Variants in DPP3 observed in about 807,000 individuals in gnomAD.
The protein encoded by DPP3 is DPP III.
Under a neutral mutation model 89.8 loss-of-function variants are expected in DPP3, and 64 were observed. The ratio of observed to expected loss-of-function variants is 0.71; its 90% confidence interval spans 0.58 to 0.88. The LOEUF (loss-of-function observed/expected upper bound fraction) is 0.88. Ranked by LOEUF, DPP3 falls within the 40% of genes least tolerant of loss-of-function variation. The pLI, the probability that DPP3 is intolerant of heterozygous loss-of-function variation, is 0.00. For missense variants in DPP3, 835 were observed against 972.5 expected (o/e 0.86, Z 1.88); for synonymous variants, 377 against 404.3 (o/e 0.93, Z 0.81).
chr11:66,482,574 C>A, intron 2 of DPP3, 104 bp downstream of exon 2: 1 of 1,476,388 alleles, frequency 6.8e-7, no homozygotes, highest in Non-Finnish European at 9.1e-7. Context: ...AGGATTAGAC[C>A]AAAGGTTACA....
chr11:66,508,950 C>T (rs1294933604), intron 17 of DPP3, 129 bp from the exon 18 acceptor site: 14 of 1,179,750 alleles, frequency 1.2e-5, no homozygotes, highest in Non-Finnish European at 1.7e-5. Context: ...AAACGTAGAG[C>T]ACAGGTTTTT....
intron 16 of DPP3, among the ~76,000 whole-genome samples, chr11:66,500,076 G>A (rs567811639): frequency 3.3e-5 from 5 of 152,206 alleles, no homozygotes; most frequent in African/African-American, 1.2e-4. Flanking sequence ...CTTTTCAGCC[G>A]AGCACAGTCG....
At chr11:66,493,229 A>T in intron 11 of DPP3, 50 bp downstream of exon 11, 1 of 1,497,856 alleles carries the variant, frequency 6.7e-7, no homozygotes, top group Non-Finnish European at 9.2e-7. Flanking sequence ...CTTCCTCAGC[A>T]GACTCAGGAA....
intron 15 of DPP3, among the ~76,000 whole-genome samples, chr11:66,496,105 C>T (rs573970510): frequency 1.3e-5 from 2 of 152,308 alleles, no homozygotes; most frequent in East Asian, 1.9e-4. Context: ...ATGAGGAAGT[C>T]GAGGCACAAG....
chr11:66,491,878 C>G, intron 9 of DPP3, 122 bp downstream of exon 9: 1 of 1,100,810 alleles, frequency 9.1e-7, no homozygotes, highest in African/African-American at 1.5e-5. Flanking sequence ...GTAAGAACAG[C>G]CATGGTAAAT....
chr11:66,495,101 G>T (rs368538037), intron 12 of DPP3, 105 bp from the exon 13 acceptor site: 2 of 1,545,256 alleles, frequency 1.3e-6, no homozygotes, highest in Non-Finnish European at 8.9e-7. Context: ...CCGCTCCTGC[G>T]CTCCCGCTTG....
rs1855280774 is a variant in DPP3, at chr11:66,488,006, A to G, written c.666A>G (p.Ser222=). The change falls in exon 6 of 18, where the codon TCA becomes TCG. Residue 222 remains serine, a splice_region_variant and synonymous_variant. Transcript: ENST00000531863. The part of the protein sequence containing the change: ...YEVRLASVLG[S]EPSLDSEVTS... ...TGCGGCTGGCTTCTGTGCTTGGCTCAGGTGAGCTTAGCCCCAGGCTTCCCT... is the reference window on the plus strand; with the variant it reads ...TGCGGCTGGCTTCTGTGCTTGGCTCGGGTGAGCTTAGCCCCAGGCTTCCCT... 1 of 1,613,778 alleles carries G rather than the reference A, an allele frequency of 6.2e-7. No individual in the cohort carries two copies. The highest frequency in any genetic ancestry group is 8.5e-7 in the Non-Finnish European group (1 of 1,179,810).
Position 66,482,425 on chromosome 11 carries a change from G to T in DPP3, c.225G>T (p.Leu75=), listed in dbSNP as rs1855113783. The T allele has an allele frequency of 5.0e-6, 8 of 1,609,004 alleles. No individual in the cohort carries two copies. The highest frequency in any genetic ancestry group is 1.3e-5 in the African/African-American group (1 of 75,066). The change falls in exon 2 of 18, where the codon CTG becomes CTT. Residue 75 remains leucine (L), a synonymous_variant. Transcript: ENST00000531863. The stretch of plus-strand genomic sequence containing the variant: ...TCCGCGCCCAGGACCCCGACCAGCT[G>T]CGCCAACATGCCCTGGCTGAAGGCC... ...RLFRAQDPDQ[L]RQHALAEGLT... is the part of the protein sequence containing the mutation.
In DPP3 at chr11:66,496,335, C is replaced by G. The variant is rs1048617884; in HGVS notation, c.1698+585C>G. ...GATCTCGGCTCACTGCAACCTCCGC[C>G]TCCCGGGTTCAAGCAATTCTGCCTC... On this transcript the variant is annotated intron_variant, in intron 15 of 17. Transcript: ENST00000531863. Among the ~76,000 whole-genome samples the G allele has an allele frequency of 4.6e-5, 7 of 152,194 alleles. 1 individual carries two copies. The highest frequency in any genetic ancestry group is 4.1e-4 in the South Asian group (2 of 4,832).
At chr11:66,487,827 C>A in intron 5 of DPP3, 87 bp from the exon 6 acceptor site, 1 of 1,251,298 alleles carries the variant, frequency 8.0e-7, no homozygotes, top group South Asian at 1.4e-5. Context: ...TCCATGCCTT[C>A]TCCCCTAGGG....
intron 16 of DPP3, among the ~76,000 whole-genome samples, chr11:66,500,921 G>T (rs1247843138): frequency 1.3e-5 from 2 of 152,196 alleles, no homozygotes; most frequent in African/African-American, 4.8e-5. Context: ...GGGCATGGTG[G>T]CTCACACCTG....
Position 66,495,585 on chromosome 11 carries a change from A to G in DPP3, c.1578-45A>G, listed in dbSNP as rs200159776. On this transcript the variant is annotated intron_variant, in intron 14 of 17. Coordinates refer to ENST00000531863, the MANE Select transcript of DPP3 (RefSeq NM_130443.4). ...TGGTAGTGGCCAGTGGGATGGGGAC[A>G]GGGCAGCCTCTGACCATCCTGCCAC... The G allele has an allele frequency of 7.0e-5, 113 of 1,613,818 alleles. 1 individual carries two copies. The South Asian group carries it at 8.1e-4, about 12-fold the overall frequency.
chr11:66,498,821 TG>T (rs1205941042), intron 16 of DPP3, among the ~76,000 whole-genome samples: 1 of 152,012 alleles, frequency 6.6e-6, no homozygotes, highest in African/African-American at 2.4e-5. Context: ...AAGACCAGCC[TG>T]GGCAACATAG....
At position 66,482,194 on chromosome 11, in the gene DPP3, AG is replaced by A; in HGVS notation, c.-4del. On this transcript the variant is annotated splice_region_variant and 5_prime_UTR_variant, in exon 2 of 18. Coordinates refer to ENST00000531863, the MANE Select transcript of DPP3 (RefSeq NM_130443.4). ...TGTGATGACAGTGATGGTTCTCAGC[AG>A]GGCCCATGGCGGACACCCAGTACAT... The A allele has an allele frequency of 6.2e-7, 1 of 1,613,858 alleles. No individual in the cohort carries two copies. The highest frequency in any genetic ancestry group is 8.5e-7 in the Non-Finnish European group (1 of 1,179,800).
chr11:66,483,649 T>G (rs1413773248), intron 2 of DPP3, among the ~76,000 whole-genome samples: 1 of 152,212 alleles, frequency 6.6e-6, no homozygotes, highest in Non-Finnish European at 1.5e-5. Context: ...TGCACACATG[T>G]GAGGAGGATC....
At chr11:66,508,842 G>C (rs1023004697) in intron 17 of DPP3, among the ~76,000 whole-genome samples, 1 of 152,102 alleles carries the variant, frequency 6.6e-6, no homozygotes, top group Non-Finnish European at 1.5e-5. Flanking sequence ...TTATTTGATT[G>C]ACTGAATGAA....
At position 66,487,157 on chromosome 11, in the gene DPP3, G is replaced by A. The variant is rs1855253268; in HGVS notation, c.499-111G>A. Reference sequence around the variant, plus strand: ...CCCCTGGAGGTAGATGGAGGGGTAAGGGGTAGAGGCTGCTGAAAGGAGGGA... The same window carrying A: ...CCCCTGGAGGTAGATGGAGGGGTAAAGGGTAGAGGCTGCTGAAAGGAGGGA... On this transcript the variant is annotated intron_variant, in intron 4 of 17. Transcript: ENST00000531863. The A allele has an allele frequency of 4.0e-6, 4 of 992,672 alleles. No individual in the cohort carries two copies. In the Admixed American group the frequency reaches 5.5e-5, roughly 14 times the overall value. 61.5% of individuals were successfully genotyped at this position (992,672 alleles called of 1,614,324 possible). A position where few individuals can be genotyped will look rare whatever the true frequency, so the allele number is the denominator to read the frequency against.
At chr11:66,502,991 T>G (rs1855717605) in intron 16 of DPP3, among the ~76,000 whole-genome samples, 1 of 152,038 alleles carries the variant, frequency 6.6e-6, no homozygotes, top group Non-Finnish European at 1.5e-5. Context: ...TTTTTTGAGA[T>G]GGAGTCTCAC....
intron 12 of DPP3, 58 bp from the exon 13 acceptor site, chr11:66,495,148 G>A: frequency 6.2e-7 from 1 of 1,611,546 alleles, no homozygotes; most frequent in East Asian, 2.2e-5. Flanking sequence ...GGATTCTGGG[G>A]CTGGAGGCCT....
Sources: allele counts gnomAD v4.1 joint callset (sites outside exome capture counted in the v4.1 genomes callset), GRCh38; gene constraint gnomAD v4.1.1; transcripts MANE v1.5; gene names NCBI Gene and HGNC (gene_info 2026-07-23, HGNC 2026-07-21).